The following CDH18 variants were observed in gnomAD, a reference collection of about 807,000 sequenced individuals.
CDH18 encodes cadherin-18.
In CDH18, 31 loss-of-function variants were observed where a neutral mutation model predicts 67.9. The observed-to-expected ratio is 0.46, with a 90% CI of 0.34 to 0.62. CDH18 has a LOEUF of 0.62. Ranked by LOEUF, CDH18 falls within the 20% of genes least tolerant of loss-of-function variation. The pLI, the probability that CDH18 is intolerant of heterozygous loss-of-function variation, is 0.01. For synonymous variants in CDH18, 362 were observed against 347.2 expected (o/e 1.04, Z -0.48); for missense variants, 890 against 975.5 (o/e 0.91, Z 1.17).
chr5:20,119,450 A>G (rs1339419703), intron 2 of CDH18, among the ~76,000 whole-genome samples: 2 of 152,176 alleles, frequency 1.3e-5, no homozygotes, highest in East Asian at 3.8e-4. Context: ...TATTTGCAGT[A>G]TAAATATCTG....
intron 5 of CDH18, among the ~76,000 whole-genome samples, chr5:19,636,920 T>C (rs1753232772): frequency 6.6e-6 from 1 of 152,190 alleles, no homozygotes; most frequent in South Asian, 2.1e-4. Context: ...ACAATGGATT[T>C]ACCTTTTATA....
chr5:20,499,800 C>T (rs1393179198), intron 1 of CDH18, among the ~76,000 whole-genome samples: 2 of 152,076 alleles, frequency 1.3e-5, no homozygotes, highest in African/African-American at 2.4e-5. Context: ...TAAATGTTCA[C>T]GTGTGGATGA....
At chr5:20,342,554 G>T (rs1740364557) in intron 1 of CDH18, among the ~76,000 whole-genome samples, 1 of 152,152 alleles carries the variant, frequency 6.6e-6, no homozygotes, top group Non-Finnish European at 1.5e-5. Flanking sequence ...TGTGACCCAT[G>T]AGGAGGTGCA....
At chr5:19,535,760 C>A (rs1311995772) in intron 9 of CDH18, among the ~76,000 whole-genome samples, 1 of 152,142 alleles carries the variant, frequency 6.6e-6, no homozygotes, top group Non-Finnish European at 1.5e-5. Context: ...ATACAATATG[C>A]AATTTTTGTT....
intron 12 of CDH18, among the ~76,000 whole-genome samples, chr5:19,477,469 C>T (rs1264993787): frequency 6.6e-6 from 1 of 151,670 alleles, no homozygotes; most frequent in East Asian, 1.9e-4. Context: ...ACAGTAATAG[C>T]CTCACTAGGA....
chr5:19,687,775 C>A (rs992482787), intron 5 of CDH18, among the ~76,000 whole-genome samples: 8 of 152,194 alleles, frequency 5.3e-5, no homozygotes, highest in African/African-American at 1.9e-4. Flanking sequence ...AGAAAGAAGA[C>A]CCAATCCTCC....
chr5:20,028,627 A>C (rs1317394903), intron 2 of CDH18, among the ~76,000 whole-genome samples: 1 of 152,152 alleles, frequency 6.6e-6, no homozygotes, highest in Non-Finnish European at 1.5e-5. Context: ...ATAGTTCCTA[A>C]AGCCACTTAA....
intron 2 of CDH18, among the ~76,000 whole-genome samples, chr5:20,087,141 G>A (rs1335558408): frequency 6.6e-6 from 1 of 152,144 alleles, no homozygotes; most frequent in Non-Finnish European, 1.5e-5. Flanking sequence ...AGTGGAGGAA[G>A]TAACTCAAGA....
intron 2 of CDH18, among the ~76,000 whole-genome samples, chr5:20,114,181 T>A (rs1747706159): frequency 6.6e-6 from 1 of 152,244 alleles, no homozygotes; most frequent in South Asian, 2.1e-4. Flanking sequence ...GAAGTTACAT[T>A]AGACATTCTG....
intron 1 of CDH18, among the ~76,000 whole-genome samples, chr5:20,298,224 A>G (rs1747690922): frequency 1.3e-5 from 2 of 152,216 alleles, no homozygotes; most frequent in South Asian, 4.1e-4. Context: ...AATTGCATAT[A>G]AAAAGCAAAA....
intron 1 of CDH18, among the ~76,000 whole-genome samples, chr5:20,573,878 TTA>T (rs570135763): frequency 3.3e-4 from 10 of 30,018 alleles, no homozygotes; most frequent in South Asian, 7.2e-4. Flanking sequence ...ATATATGTAT[TTA>T]TATATATAAA....
At chr5:20,034,268 C>T (rs576578663) in intron 2 of CDH18, among the ~76,000 whole-genome samples, 54 of 152,076 alleles carry the variant, frequency 3.6e-4, no homozygotes, top group Admixed American at 6.6e-4. Flanking sequence ...GTTACTCTTA[C>T]GTAAGCAATT....
chr5:19,609,464 A>T (rs1383879729), intron 6 of CDH18, among the ~76,000 whole-genome samples: 1 of 151,904 alleles, frequency 6.6e-6, no homozygotes, highest in Non-Finnish European at 1.5e-5. Context: ...CATTTATCTG[A>T]CTTGTATCCT....
chr5:20,013,626 A>G (rs1163871199), intron 2 of CDH18, among the ~76,000 whole-genome samples: 1 of 152,130 alleles, frequency 6.6e-6, no homozygotes, highest in Non-Finnish European at 1.5e-5. Flanking sequence ...AAAATAGTTA[A>G]GTCTTCTAAT....
intron 5 of CDH18, among the ~76,000 whole-genome samples, chr5:19,678,548 A>C (rs1014488696): frequency 6.6e-6 from 1 of 151,946 alleles, no homozygotes; most frequent in African/African-American, 2.4e-5. Flanking sequence ...TCAAATTAAC[A>C]ATCTACTGTC....
intron 3 of CDH18, among the ~76,000 whole-genome samples, chr5:19,822,886 T>C (rs1163675387): frequency 6.6e-6 from 1 of 152,172 alleles, no homozygotes; most frequent in Non-Finnish European, 1.5e-5. Flanking sequence ...GGGAGTGCTA[T>C]GGGAGACTGG....
intron 2 of CDH18, among the ~76,000 whole-genome samples, chr5:20,026,639 C>A (rs778249214): frequency 6.6e-6 from 1 of 152,082 alleles, no homozygotes; most frequent in Non-Finnish European, 1.5e-5. Context: ...ATAAGATCAA[C>A]GTGAGCAATA....
At chr5:20,033,164 C>T (rs894724551) in intron 2 of CDH18, among the ~76,000 whole-genome samples, 51 of 151,766 alleles carry the variant, frequency 3.4e-4, no homozygotes, top group African/African-American at 9.7e-4. Flanking sequence ...AAGTGATTAA[C>T]GATGCTTCTG....
chr5:19,486,310 T>C (rs1437018983), intron 11 of CDH18, among the ~76,000 whole-genome samples: 4 of 150,684 alleles, frequency 2.7e-5, no homozygotes, highest in Non-Finnish European at 5.9e-5. Context: ...ATATGTATTA[T>C]ATAGAAATAT....
Sources: gnomAD v4.1 joint callset for allele counts (sites outside exome capture counted in the v4.1 genomes callset) on GRCh38, gnomAD v4.1.1 for gene constraint, MANE v1.5 for transcripts, NCBI Gene and HGNC (gene_info 2026-07-23, HGNC 2026-07-21) for gene names.